The following RAD51B variants were observed in gnomAD, a reference collection of about 807,000 sequenced individuals.
RAD51B encodes the protein DNA repair protein RAD51 homolog 2.
In RAD51B, 38 loss-of-function variants were observed where a neutral mutation model predicts 42.2. The observed-to-expected ratio is 0.90, with a 90% CI of 0.70 to 1.18. The LOEUF (loss-of-function observed/expected upper bound fraction) is 1.18. Among genes scored for constraint, RAD51B ranks in the 50% most tolerant of loss-of-function variants. The pLI is 0.00. For missense variants in RAD51B, 373 were observed against 400.7 expected (o/e 0.93, Z 0.59); for synonymous variants, 154 against 145.2 (o/e 1.06, Z -0.43).
chr14:67,893,164 G>T (rs770988629), intron 7 of RAD51B, among the ~76,000 whole-genome samples: 9 of 152,028 alleles, frequency 5.9e-5, no homozygotes, highest in Non-Finnish European at 1.3e-4. Context: ...AAGATGTATT[G>T]TAGTTAATAG....
At chr14:68,611,119 C>T (rs1891665076) in exon 11 of RAD51B, 1 of 703,042 alleles carries the variant, frequency 1.4e-6, no homozygotes, top group African/African-American at 1.7e-5. Flanking sequence ...AACAAGGAAT[C>T]CCAGGCTGTT....
intron 10 of RAD51B, among the ~76,000 whole-genome samples, chr14:68,610,846 TG>T (rs1891649335): frequency 4.4e-5 from 1 of 22,812 alleles, no homozygotes; most frequent in African/African-American, 1.4e-4. Context: ...AATGTATATG[TG>T]TGTGTGTGTG....
At chr14:68,593,577 G>A (rs2140082277) in intron 10 of RAD51B, among the ~76,000 whole-genome samples, 1 of 152,328 alleles carries the variant, frequency 6.6e-6, no homozygotes, top group Non-Finnish European at 1.5e-5. Flanking sequence ...ATAAAAGGTT[G>A]GCAAATGGGC....
At chr14:68,664,047 T>G (rs1400616494) in intron 11 of RAD51B, among the ~76,000 whole-genome samples, 1 of 152,226 alleles carries the variant, frequency 6.6e-6, no homozygotes, top group Non-Finnish European at 1.5e-5. Flanking sequence ...GCTTCAAGGT[T>G]TTCCTGTTTA....
intron 8 of RAD51B, among the ~76,000 whole-genome samples, chr14:68,334,915 TATG>T (rs1410976343): frequency 3.2e-4 from 47 of 148,116 alleles, no homozygotes; most frequent in African/African-American, 1.1e-3. Context: ...AGATATATTT[TATG>T]ATATATATAC....
intron 8 of RAD51B, among the ~76,000 whole-genome samples, chr14:68,315,583 G>A (rs11628890): frequency 0.54 from 81,966 of 151,444 alleles, 23,404 homozygotes; most frequent in South Asian, 0.66. Flanking sequence ...GTGCAGTGGC[G>A]TGATCTCTGC....
chr14:68,060,699 C>G (rs2076553712), intron 7 of RAD51B, among the ~76,000 whole-genome samples: 1 of 152,088 alleles, frequency 6.6e-6, no homozygotes, highest in African/African-American at 2.4e-5. Flanking sequence ...TTCAGCAGTT[C>G]TTTTTGACCT....
At chr14:68,570,647 A>T (rs554879254) in intron 10 of RAD51B, among the ~76,000 whole-genome samples, 1 of 152,146 alleles carries the variant, frequency 6.6e-6, no homozygotes, top group Admixed American at 6.5e-5. Flanking sequence ...TAACCTTCTG[A>T]CCCTCTGTGT....
At chr14:68,304,923 A>G (rs1566796608) in intron 8 of RAD51B, among the ~76,000 whole-genome samples, 1 of 152,178 alleles carries the variant, frequency 6.6e-6, no homozygotes, top group Non-Finnish European at 1.5e-5. Context: ...TTCTTTTGTC[A>G]CTGTTATTAT....
intron 7 of RAD51B, among the ~76,000 whole-genome samples, chr14:68,058,737 T>C (rs1406465332): frequency 6.6e-6 from 1 of 152,216 alleles, no homozygotes; most frequent in African/African-American, 2.4e-5. Context: ...ATTCTTAGTG[T>C]ATATATGTGA....
chr14:68,375,181 C>T (rs1247714900), intron 8 of RAD51B, among the ~76,000 whole-genome samples: 1 of 152,048 alleles, frequency 6.6e-6, no homozygotes, highest in African/African-American at 2.4e-5. Flanking sequence ...CTTCAGGAGC[C>T]AGGGTGTGAG....
chr14:67,851,243 C>T (rs34757299), intron 4 of RAD51B, among the ~76,000 whole-genome samples: 71 of 152,142 alleles, frequency 4.7e-4, no homozygotes, highest in African/African-American at 1.6e-3. Context: ...GCTGGCTGGA[C>T]TTCCTCTATG....
intron 7 of RAD51B, among the ~76,000 whole-genome samples, chr14:67,901,657 A>G (rs967495028): frequency 6.6e-6 from 1 of 152,242 alleles, no homozygotes; most frequent in African/African-American, 2.4e-5. Flanking sequence ...CACAGTAACA[A>G]AGATATGGAA....
At chr14:68,481,950 A>G (rs1377266931), downstream of RAD51B, among the ~76,000 whole-genome samples, 3 of 152,190 alleles carry the variant, frequency 2.0e-5, no homozygotes, top group Non-Finnish European at 4.4e-5. Flanking sequence ...CTGCCTTATC[A>G]TGTCACCATT....
intron 4 of RAD51B, among the ~76,000 whole-genome samples, chr14:67,836,331 TC>T (rs1383031729): frequency 1.3e-5 from 2 of 152,078 alleles, no homozygotes; most frequent in African/African-American, 4.8e-5. Flanking sequence ...ATGGCTGACT[TC>T]CCCCAGGTGA....
rs1288713727 is a variant in RAD51B, at chr14:68,663,479, A to G, written c.*11+12623A>G. Among the ~76,000 whole-genome samples, 9 of 152,042 alleles carry G rather than the reference A, an allele frequency of 5.9e-5. No individual in the cohort carries two copies. The East Asian group carries it at 1.5e-3, about 26-fold the overall frequency. On this transcript the variant is annotated intron_variant, in intron 11 of 11. Transcript: ENST00000488612. ...CTCTCCTCCAGATACTTTCTCTTTC[A>G]CTTCGCCCCCTTTACCCTTCAGGCT...
In RAD51B at chr14:68,433,711, A is replaced by C. The variant is rs539670709; in HGVS notation, c.957+22184A>C. ...GCTTGAACTTCCTCCTTTAGCTCGG[A>C]GAAGTTTGATCATCTGAAGCCTTCT... is the stretch of plus-strand genomic sequence containing the variant. On this transcript the variant is annotated intron_variant, in intron 9 of 10. Transcript: ENST00000471583. 1.5e-4 allele frequency among the ~76,000 whole-genome samples: 23 copies of C among 152,294 alleles called. No individual in the cohort carries two copies. In the East Asian group the frequency reaches 4.1e-3, roughly 27 times the overall value.
intron 7 of RAD51B, among the ~76,000 whole-genome samples, chr14:68,230,187 A>G (rs2080118675): frequency 6.6e-6 from 1 of 152,182 alleles, no homozygotes; most frequent in African/African-American, 2.4e-5. Context: ...AATGTGGATT[A>G]TATAAGTTGA....
At chr14:68,637,293 G>C (rs958453718) in intron 10 of RAD51B, among the ~76,000 whole-genome samples, 2 of 152,110 alleles carry the variant, frequency 1.3e-5, no homozygotes, top group Non-Finnish European at 2.9e-5. Flanking sequence ...TGTCCAGGCT[G>C]GTCTTGAACT....
Sources: gnomAD v4.1 joint callset for allele counts (sites outside exome capture counted in the v4.1 genomes callset) on GRCh38, gnomAD v4.1.1 for gene constraint, MANE v1.5 for transcripts, NCBI Gene and HGNC (gene_info 2026-07-23, HGNC 2026-07-21) for gene names.